MBOAT2: variants seen among roughly 807,000 people sequenced by gnomAD.
MBOAT2 encodes the protein membrane-bound glycerophospholipid O-acyltransferase 2.
In MBOAT2, 28 loss-of-function variants were observed where a neutral mutation model predicts 63.4. The observed-to-expected ratio is 0.44, with a 90% CI of 0.33 to 0.61. The LOEUF is 0.61. MBOAT2 is among the 20% of genes least tolerant of loss of function. The probability of loss-of-function intolerance (pLI) is 0.03; values close to 1 mark genes in which losing one functional copy is unlikely to be tolerated. For synonymous variants in MBOAT2, 211 were observed against 215.6 expected (o/e 0.98, Z 0.19); for missense variants, 470 against 605.8 (o/e 0.78, Z 2.35).
chr2:8,932,232 G>C (rs1573087749), intron 3 of MBOAT2, among the ~76,000 whole-genome samples: 1 of 152,094 alleles, frequency 6.6e-6, no homozygotes, highest in East Asian at 1.9e-4. Flanking sequence ...CTATTTTAAA[G>C]TCTATGTTTA....
chr2:8,981,601 C>T (rs1339818286), intron 1 of MBOAT2, among the ~76,000 whole-genome samples: 1 of 151,934 alleles, frequency 6.6e-6, no homozygotes, highest in African/African-American at 2.4e-5. Context: ...TGAGCTGCTT[C>T]TGTGACAGGA....
chr2:8,898,901 C>T (rs1181803879), intron 4 of MBOAT2, among the ~76,000 whole-genome samples: 1 of 152,222 alleles, frequency 6.6e-6, no homozygotes, highest in Non-Finnish European at 1.5e-5. Context: ...ATTACTGCCT[C>T]ATTGATAAGT....
Position 8,864,252 on chromosome 2 carries a change from T to C in MBOAT2, c.988-18A>G, listed in dbSNP as rs113850257. 719 of 1,507,272 alleles carry C rather than the reference T, an allele frequency of 4.8e-4. 3 individuals are homozygous for C. The African/African-American group carries it at 8.7e-3, about 18-fold the overall frequency. 93.4% of individuals were successfully genotyped at this position (1,507,272 alleles called of 1,614,324 possible). On this transcript the variant is annotated intron_variant, in intron 9 of 12. Coordinates refer to ENST00000305997, the MANE Select transcript of MBOAT2 (RefSeq NM_138799.4). The stretch of plus-strand genomic sequence containing the variant: ...GTTGACATCTGAAAAAAAAGGAAAC[T>C]TTTTTCTTTGTGTCACAAAATAATG...
At chr2:8,960,887 G>A (rs1301767713) in intron 1 of MBOAT2, among the ~76,000 whole-genome samples, 1 of 152,218 alleles carries the variant, frequency 6.6e-6, no homozygotes, top group Non-Finnish European at 1.5e-5. Context: ...AAGGGAAAGG[G>A]CATTGTAAGG....
intron 3 of MBOAT2, among the ~76,000 whole-genome samples, chr2:8,939,282 C>G (rs1343021807): frequency 6.6e-6 from 1 of 152,208 alleles, no homozygotes; most frequent in African/African-American, 2.4e-5. Flanking sequence ...ATGTCCTGTG[C>G]CTGGGGAACA....
chr2:8,873,111 G>A lies in MBOAT2; in HGVS notation c.880C>T (p.Leu294=), dbSNP rs1572933639. The A allele has an allele frequency of 6.2e-7, 1 of 1,612,968 alleles. No individual in the cohort carries two copies. Among genetic ancestry groups the A allele is most frequent in the East Asian group, 2.2e-5 (1 of 44,864 alleles). ...AATCTATTTACATGTTACTTACCTA[G>A]CGTCCATGCAAAATAGTATTTGGGT... ...ARPKYYFAWT[L]ADAINNAAGF... Residue 294 remains leucine (L), a synonymous_variant, in exon 8 of 13, where the codon CTA becomes TTA. Transcript: ENST00000305997.
intron 3 of MBOAT2, among the ~76,000 whole-genome samples, chr2:8,923,927 G>GT (rs796574736): frequency 2.4e-4 from 36 of 152,174 alleles, no homozygotes; most frequent in African/African-American, 8.0e-4. Context: ...ATTAAAATGG[G>GT]TTTTTTTGTA....
chr2:8,923,321 T>G (rs912547534), intron 3 of MBOAT2, among the ~76,000 whole-genome samples: 1 of 152,210 alleles, frequency 6.6e-6, no homozygotes, highest in Non-Finnish European at 1.5e-5. Flanking sequence ...ATTACTATTG[T>G]GAAACCTAAA....
intron 6 of MBOAT2, among the ~76,000 whole-genome samples, chr2:8,882,303 G>A (rs981209298): frequency 6.6e-6 from 1 of 152,220 alleles, no homozygotes; most frequent in East Asian, 1.9e-4. Context: ...ATGTACAATC[G>A]CAGAGGCAGG....
chr2:8,994,176 G>A (rs925588518), intron 1 of MBOAT2, among the ~76,000 whole-genome samples: 3 of 152,150 alleles, frequency 2.0e-5, no homozygotes, highest in Admixed American at 6.5e-5. Flanking sequence ...GGGACACAAA[G>A]ATGAGTAAGT....
At chr2:8,907,566 T>A (rs1665424604) in intron 4 of MBOAT2, among the ~76,000 whole-genome samples, 1 of 152,212 alleles carries the variant, frequency 6.6e-6, no homozygotes, top group African/African-American at 2.4e-5. Flanking sequence ...CAGGAATACC[T>A]ACTATCCATA....
intron 2 of MBOAT2, among the ~76,000 whole-genome samples, chr2:8,952,214 G>GT (rs1668886646): frequency 6.6e-6 from 1 of 152,198 alleles, no homozygotes. Context: ...TAATTTCCAT[G>GT]TAATTGTGTG....
chr2:8,976,866 A>C (rs541637294), intron 1 of MBOAT2, among the ~76,000 whole-genome samples: 1 of 152,332 alleles, frequency 6.6e-6, no homozygotes, highest in South Asian at 2.1e-4. Context: ...AAAGGAATGA[A>C]CTATTGACAC....
chr2:8,945,801 A>G (rs924741500), intron 2 of MBOAT2, among the ~76,000 whole-genome samples: 3 of 152,138 alleles, frequency 2.0e-5, no homozygotes, highest in East Asian at 1.9e-4. Flanking sequence ...TTCAAGTCAC[A>G]CTAAAGGCAT....
intron 4 of MBOAT2, among the ~76,000 whole-genome samples, chr2:8,902,457 C>T (rs1337028784): frequency 1.3e-5 from 2 of 152,148 alleles, no homozygotes. Flanking sequence ...GAGTTTGTTC[C>T]TTCTGATGTT....
chr2:8,945,617 G>A (rs1019216124), intron 2 of MBOAT2, among the ~76,000 whole-genome samples: 4 of 151,992 alleles, frequency 2.6e-5, no homozygotes, highest in African/African-American at 7.3e-5. Context: ...ACGTTGTTTC[G>A]GGGCAATTTA....
At chr2:8,974,370 G>A (rs1670668336) in intron 1 of MBOAT2, 1 of 456,356 alleles carries the variant, frequency 2.2e-6, no homozygotes, top group African/African-American at 2.0e-5. Flanking sequence ...TTTCGCCTGT[G>A]GACTCTGCCA....
At chr2:8,933,688 C>T (rs1667476178) in intron 3 of MBOAT2, among the ~76,000 whole-genome samples, 1 of 152,192 alleles carries the variant, frequency 6.6e-6, no homozygotes, top group Non-Finnish European at 1.5e-5. Context: ...AACTATCAAA[C>T]TGACCTTTTA....
At chr2:8,930,189 C>T (rs906078380) in intron 3 of MBOAT2, among the ~76,000 whole-genome samples, 4 of 152,202 alleles carry the variant, frequency 2.6e-5, no homozygotes, top group African/African-American at 9.7e-5. Context: ...AGATCTGAGA[C>T]ATGTTAATTG....
Sources: gnomAD v4.1 joint callset for allele counts (sites outside exome capture counted in the v4.1 genomes callset) on GRCh38, gnomAD v4.1.1 for gene constraint, MANE v1.5 for transcripts, NCBI Gene and HGNC (gene_info 2026-07-23, HGNC 2026-07-21) for gene names.